The following ZNF366 variants were observed in gnomAD, a reference collection of about 807,000 sequenced individuals.
ZNF366 encodes the protein dendritic cell-specific transcript protein.
ZNF366 carries 20 observed loss-of-function variants against 47.2 expected under a neutral mutation model. That is an observed-to-expected ratio of 0.42 (90% CI 0.30 to 0.62). ZNF366 has a LOEUF of 0.62. Ranked by LOEUF, ZNF366 falls within the 20% of genes least tolerant of loss-of-function variation. The pLI is 0.16. For synonymous variants in ZNF366, 421 were observed against 395.1 expected (o/e 1.07, Z -0.78); for missense variants, 987 against 976.3 (o/e 1.01, Z -0.15).
Position 72,443,626 on chromosome 5 carries a change from C to A in ZNF366, c.*130G>T. On this transcript the variant is annotated 3_prime_UTR_variant, in exon 5 of 5. Coordinates refer to ENST00000318442, the MANE Select transcript of ZNF366 (RefSeq NM_152625.3). ...AGGCTTTCCATTACCTACATCCCTG[C>A]TCATTTAGTCTAAGCCATTTGTAGA... is the stretch of plus-strand genomic sequence containing the variant. 9.8e-7 allele frequency: 1 copy of A among 1,017,666 alleles called. No homozygotes were observed. Among genetic ancestry groups the A allele is most frequent in the Non-Finnish European group, 1.4e-6 (1 of 713,930 alleles). The allele number at this position is 1,017,666 out of a possible 1,614,324, so 63.0% of individuals were successfully genotyped here.
At chr5:72,481,430 C>T (rs1470571429) in intron 1 of ZNF366, among the ~76,000 whole-genome samples, 3 of 152,038 alleles carry the variant, frequency 2.0e-5, no homozygotes, top group Non-Finnish European at 4.4e-5. Context: ...TTTTCTTTTA[C>T]AGCACTACTT....
intron 4 of ZNF366, among the ~76,000 whole-genome samples, chr5:72,445,621 A>C (rs1208141645): frequency 6.6e-6 from 1 of 152,196 alleles, no homozygotes; most frequent in East Asian, 1.9e-4. Flanking sequence ...AGAACAACAG[A>C]GCTGTTAGGT....
rs897886447 is a variant in ZNF366, at chr5:72,440,071, A to G, written c.*3685T>C. The G allele has an allele frequency of 2.0e-5, 3 of 152,226 alleles. No homozygotes were observed. The highest frequency in any genetic ancestry group is 2.0e-4 in the Admixed American group (3 of 15,286). 9.4% of individuals were successfully genotyped at this position (152,226 alleles called of 1,614,324 possible). On this transcript the variant is annotated 3_prime_UTR_variant, in exon 5 of 5. Transcript: ENST00000318442. ...AGCCAGAGTTCTGTACAAAATCAAC[A>G]TTTGGTGTAATGTTGTCCAAATATG...
rs1371152473 is a variant in ZNF366, at chr5:72,443,615, C to G, written c.*141G>C. On this transcript the variant is annotated 3_prime_UTR_variant, in exon 5 of 5. Transcript: ENST00000318442. ...ATGACCTGAGAAGGCTTTCCATTAC[C>G]TACATCCCTGCTCATTTAGTCTAAG... The G allele has an allele frequency of 4.2e-5, 39 of 927,318 alleles. No individual in the cohort carries two copies. In the Admixed American group the frequency reaches 9.7e-4, roughly 23 times the overall value. 57.4% of individuals were successfully genotyped at this position (927,318 alleles called of 1,614,324 possible).
chr5:72,464,794 C>T (rs1260878670), intron 1 of ZNF366, among the ~76,000 whole-genome samples: 3 of 152,090 alleles, frequency 2.0e-5, no homozygotes, highest in African/African-American at 7.2e-5. Context: ...GGCGCAATGG[C>T]TCATGCCTGT....
In ZNF366 at chr5:72,441,042, C is replaced by T. The variant is rs576435598; in HGVS notation, c.*2714G>A. ...GTGAGGTGGGTGTGGGAGTTGAGAG[C>T]TTCTCCTCCCCTTACCACTCTTCAG... On this transcript the variant is annotated 3_prime_UTR_variant, in exon 5 of 5. Transcript: ENST00000318442. 2.6e-5 allele frequency: 4 copies of T among 152,188 alleles called. No individual in the cohort carries two copies. The highest frequency in any genetic ancestry group is 1.3e-4 in the Admixed American group (2 of 15,284). The allele number at this position is 152,188 out of a possible 1,614,324, so 9.4% of individuals were successfully genotyped here.
In ZNF366 at chr5:72,480,370, C is replaced by T. The variant is rs115219072; in HGVS notation, c.-14-18860G>A. Among the ~76,000 whole-genome samples the T allele has an allele frequency of 2.2e-3, 339 of 152,186 alleles. 1 individual carries two copies. Among genetic ancestry groups the T allele is most frequent in the African/African-American group, 8.0e-3 (331 of 41,522 alleles). Reference sequence around the variant, plus strand: ...AGAAAGAGTTCTTTTAAGTGCTTTCCCGTAACTTATTTTCTGTTCCTTGGA... The same window carrying T: ...AGAAAGAGTTCTTTTAAGTGCTTTCTCGTAACTTATTTTCTGTTCCTTGGA... On this transcript the variant is annotated intron_variant, in intron 1 of 4. Coordinates refer to ENST00000318442, the MANE Select transcript of ZNF366 (RefSeq NM_152625.3).
At chr5:72,450,497 T>C (rs1379927092) in intron 3 of ZNF366, among the ~76,000 whole-genome samples, 3 of 152,178 alleles carry the variant, frequency 2.0e-5, no homozygotes, top group Non-Finnish European at 4.4e-5. Flanking sequence ...CCTAAGTCTT[T>C]GGTTGGGGAA....
At chr5:72,452,865 C>T (rs1743101691) in intron 3 of ZNF366, among the ~76,000 whole-genome samples, 5 of 152,284 alleles carry the variant, frequency 3.3e-5, no homozygotes. Context: ...AAATCAACCC[C>T]TGTGTGCTTA....
chr5:72,460,156 C>T lies in ZNF366; in HGVS notation c.1332+9G>A. The T allele has an allele frequency of 2.5e-6, 4 of 1,612,754 alleles. No homozygotes were observed. The highest frequency in any genetic ancestry group is 3.4e-6 in the Non-Finnish European group (4 of 1,179,240). On this transcript the variant is annotated intron_variant, in intron 2 of 4. Transcript: ENST00000318442. ...GGCCCCGTCCGCCCCACCAGAGGCC[C>T]CGCAGTACCTTGTGGGTGAGGGAGT... is the stretch of plus-strand genomic sequence containing the variant.
intron 1 of ZNF366, among the ~76,000 whole-genome samples, chr5:72,485,107 A>C (rs1743867765): frequency 7.0e-6 from 1 of 142,964 alleles, no homozygotes. Context: ...TCAAAAATTT[A>C]GTAAAAAAAC....
At chr5:72,487,305 T>G (rs1743910703) in intron 1 of ZNF366, among the ~76,000 whole-genome samples, 1 of 152,238 alleles carries the variant, frequency 6.6e-6, no homozygotes, top group Admixed American at 6.5e-5. Flanking sequence ...GAGCTCGTGC[T>G]TTATGGATTG....
At position 72,460,471 on chromosome 5, in the gene ZNF366, G is replaced by A. The variant is rs756593324; in HGVS notation, c.1026C>T (p.Cys342=). 5 of 1,613,894 alleles carry A rather than the reference G, an allele frequency of 3.1e-6. No individual in the cohort carries two copies. Among genetic ancestry groups the A allele is most frequent in the South Asian group, 2.2e-5 (2 of 91,058 alleles). Residue 342 remains cysteine, a synonymous_variant, in exon 2 of 5, where the codon TGC becomes TGT. Transcript: ENST00000318442. ...CGCTGGGGTAGGCAAAGCCGCGGCC[G>A]CACACGCGGCAGTTGTGCGGCTTCA... The part of the protein sequence containing the change: ...SEVKPHNCRV[C]GRGFAYPSEL...
intron 4 of ZNF366, among the ~76,000 whole-genome samples, chr5:72,446,370 A>C (rs1223443311): frequency 2.0e-5 from 3 of 152,232 alleles, no homozygotes; most frequent in African/African-American, 7.2e-5. Flanking sequence ...GACATCCTAG[A>C]GGGCAGATGG....
chr5:72,482,746 T>TTGTGTGTG (rs3041122), intron 1 of ZNF366, among the ~76,000 whole-genome samples: 5,272 of 140,982 alleles, frequency 0.037, 128 homozygotes, highest in East Asian at 0.083. Flanking sequence ...CATTTCTATT[T>TTGTGTGTG]TGTGTGTGTG....
At chr5:72,491,204 G>A (rs1195673798) in intron 1 of ZNF366, among the ~76,000 whole-genome samples, 2 of 152,232 alleles carry the variant, frequency 1.3e-5, no homozygotes, top group African/African-American at 4.8e-5. Context: ...CTGGCCCACA[G>A]CCCCACAAAA....
chr5:72,463,644 G>GTC (rs1244152323), intron 1 of ZNF366, among the ~76,000 whole-genome samples: 5 of 152,222 alleles, frequency 3.3e-5, no homozygotes, highest in Admixed American at 2.6e-4. Context: ...AGAATGAAAT[G>GTC]TCTAGCTTTA....
At chr5:72,449,743 T>C (rs1481223929) in intron 3 of ZNF366, among the ~76,000 whole-genome samples, 2 of 152,238 alleles carry the variant, frequency 1.3e-5, no homozygotes, top group Non-Finnish European at 2.9e-5. Context: ...TTTGCCTGCT[T>C]TTTTATTTAT....
At chr5:72,495,480 T>C (rs1744094829) in intron 1 of ZNF366, among the ~76,000 whole-genome samples, 1 of 152,152 alleles carries the variant, frequency 6.6e-6, no homozygotes, top group Non-Finnish European at 1.5e-5. Context: ...CTGTATACTG[T>C]CTTGTGTGTT....
Sources: gnomAD v4.1 joint callset for allele counts (sites outside exome capture counted in the v4.1 genomes callset) on GRCh38, gnomAD v4.1.1 for gene constraint, MANE v1.5 for transcripts, NCBI Gene and HGNC (gene_info 2026-07-23, HGNC 2026-07-21) for gene names.